Variants in CD99L2 observed in about 807,000 individuals in gnomAD.
CD99L2 encodes CD99 antigen-like protein 2.
In CD99L2, 24 loss-of-function variants were observed where a neutral mutation model predicts 27.3. The ratio of observed to expected loss-of-function variants is 0.88; its 90% CI spans 0.64 to 1.24. CD99L2 has a LOEUF of 1.24. Among genes scored for constraint, CD99L2 ranks in the 50% most tolerant of loss-of-function variants. The pLI, the probability that CD99L2 is intolerant of heterozygous loss-of-function variation, is 0.00. For missense variants in CD99L2, 255 were observed against 221.6 expected (o/e 1.15, Z -0.96); for synonymous variants, 97 against 87.9 (o/e 1.10, Z -0.58).
In CD99L2 at chrX:150,870,810, C is replaced by T. The variant is rs191206892; in HGVS notation, c.67+27712G>A. On this transcript the variant is annotated intron_variant, in intron 1 of 10. Transcript: ENST00000370377. The stretch of plus-strand genomic sequence containing the variant: ...AATCCCTAACTCTCTTGGGAGAGTC[C>T]GCCTTGCTCCAGGAGGGAAGAAAAG... Among the ~76,000 whole-genome samples the T allele has an allele frequency of 1.3e-3, 142 of 110,106 alleles. 1 individual carries two copies. Among genetic ancestry groups the T allele is most frequent in the East Asian group, 4.6e-3 (16 of 3,453 alleles).
intron 1 of CD99L2, among the ~76,000 whole-genome samples, chrX:150,850,606 A>G (rs1449772151): frequency 8.9e-6 from 1 of 112,518 alleles, no homozygotes; most frequent in Admixed American, 9.4e-5. Context: ...CCATAGAAAC[A>G]AATGTTGCAA....
At chrX:150,864,800 T>C (rs927715251) in intron 1 of CD99L2, among the ~76,000 whole-genome samples, 7 of 112,545 alleles carry the variant, frequency 6.2e-5, no homozygotes, top group African/African-American at 2.3e-4. Flanking sequence ...AAAGAACAGG[T>C]GCTTCACAAC....
intron 10 of CD99L2, among the ~76,000 whole-genome samples, chrX:150,769,760 ATCTGC>A (rs2043400947): frequency 1.9e-5 from 2 of 107,042 alleles, no homozygotes; most frequent in Non-Finnish European, 3.8e-5. Context: ...CACAGGTCAT[ATCTGC>A]CTCGAGCAGT....
intron 1 of CD99L2, among the ~76,000 whole-genome samples, chrX:150,854,110 G>A (rs1373260359): frequency 1.8e-5 from 2 of 110,619 alleles, no homozygotes; most frequent in East Asian, 2.9e-4. Flanking sequence ...CACATAACAG[G>A]AGCCCATGGG....
At chrX:150,830,112 G>A (rs1052404056) in intron 2 of CD99L2, among the ~76,000 whole-genome samples, 23 of 109,291 alleles carry the variant, frequency 2.1e-4, no homozygotes, top group Admixed American at 7.8e-4. Context: ...CTGAGATTGC[G>A]CCACTACACT....
chrX:150,825,864 C>T (rs1300363358), intron 2 of CD99L2, among the ~76,000 whole-genome samples: 6 of 112,164 alleles, frequency 5.3e-5, no homozygotes, highest in African/African-American at 1.9e-4. Context: ...TCTGTAATAT[C>T]GTGCTGTACC....
intron 1 of CD99L2, among the ~76,000 whole-genome samples, chrX:150,851,505 G>A (rs782106523): frequency 6.2e-5 from 7 of 112,064 alleles, no homozygotes; most frequent in Non-Finnish European, 1.3e-4. Flanking sequence ...TGCCCCTAAG[G>A]TGCTCTAAAA....
In CD99L2 at chrX:150,780,196, C is replaced by T. The variant is rs781932031; in HGVS notation, c.497-2714G>A. Among the ~76,000 whole-genome samples, 14 of 111,052 alleles carry T rather than the reference C, an allele frequency of 1.3e-4. No homozygotes were observed. The South Asian group carries it at 5.3e-3, about 42-fold the overall frequency. ...CTGTTGGTCATTGGGGAAATGCAAACCAAAACCATAATGAGACACCATCTC... is the reference window on the plus strand; with the variant it reads ...CTGTTGGTCATTGGGGAAATGCAAATCAAAACCATAATGAGACACCATCTC... On this transcript the variant is annotated intron_variant, in intron 7 of 10. Transcript: ENST00000370377.
At position 150,898,648 on chromosome X, in the gene CD99L2, G is replaced by T; in HGVS notation, c.-60C>A. On this transcript the variant is annotated 5_prime_UTR_variant, in exon 1 of 11. Transcript: ENST00000370377. Reference sequence around the variant, plus strand: ...AGTTAGCGCGAGAGCGCCCGAAGGGGAGGCCGAGGAGGAGCGGGAGGAGGA... The same window carrying T: ...AGTTAGCGCGAGAGCGCCCGAAGGGTAGGCCGAGGAGGAGCGGGAGGAGGA... The T allele has an allele frequency of 1.0e-6, 1 of 995,593 alleles. No individual in the cohort carries two copies. Among genetic ancestry groups the T allele is most frequent in the Non-Finnish European group, 1.3e-6 (1 of 764,186 alleles). 82.0% of individuals were successfully genotyped at this position (995,593 alleles called of 1,213,427 possible). A position where few individuals can be genotyped will look rare whatever the true frequency, so the allele number is the denominator to read the frequency against.
intron 1 of CD99L2, among the ~76,000 whole-genome samples, chrX:150,885,184 C>T (rs1410959775): frequency 8.1e-5 from 9 of 111,553 alleles, no homozygotes; most frequent in Non-Finnish European, 1.9e-5. Flanking sequence ...CTGGGAGGGG[C>T]ACACAGGGGT....
chrX:150,836,643 T>C (rs2046534286), intron 1 of CD99L2, among the ~76,000 whole-genome samples: 1 of 111,703 alleles, frequency 9.0e-6, no homozygotes, highest in Non-Finnish European at 1.9e-5. Flanking sequence ...AATATTAACA[T>C]AGTCATGTGT....
At chrX:150,832,924 G>A (rs782283466) in intron 1 of CD99L2, among the ~76,000 whole-genome samples, 6 of 110,234 alleles carry the variant, frequency 5.4e-5, no homozygotes, top group Non-Finnish European at 7.6e-5. Context: ...GCATGGTGGC[G>A]GGTGCCTGTA....
rs147479600 is a variant in CD99L2, at chrX:150,889,418, A to G, written c.67+9104T>C. On this transcript the variant is annotated intron_variant, in intron 1 of 10. Transcript: ENST00000370377. ...TTCCCCCACATTGCCCTTAGGCTGA[A>G]AGAAATACCCAATATAGTTCCACCA... 3.4e-3 allele frequency among the ~76,000 whole-genome samples: 383 copies of G among 111,768 alleles called. 5 individuals are homozygous for G. Among genetic ancestry groups the G allele is most frequent in the Non-Finnish European group, 4.8e-3 (256 of 53,101 alleles).
chrX:150,892,239 AAAAT>A (rs1185210467), intron 1 of CD99L2, among the ~76,000 whole-genome samples: 3 of 109,351 alleles, frequency 2.7e-5, no homozygotes, highest in Non-Finnish European at 5.7e-5. Flanking sequence ...AAAAATAATA[AAAAT>A]AAATAAATAA....
intron 6 of CD99L2, 35 bp from the exon 7 acceptor site, chrX:150,793,791 A>G: frequency 9.4e-7 from 1 of 1,066,240 alleles, no homozygotes; most frequent in South Asian, 2.1e-5. Flanking sequence ...CAACAACAAG[A>G]AAAAAAAATC....
chrX:150,835,108 A>C (rs1316939649), intron 1 of CD99L2, among the ~76,000 whole-genome samples: 1 of 112,100 alleles, frequency 8.9e-6, no homozygotes, highest in Non-Finnish European at 1.9e-5. Flanking sequence ...GGGGAAAGGG[A>C]AAGTGTTGAT....
At chrX:150,845,718 C>T (rs1381372682) in intron 1 of CD99L2, among the ~76,000 whole-genome samples, 12 of 111,918 alleles carry the variant, frequency 1.1e-4, no homozygotes, top group African/African-American at 3.9e-4. Flanking sequence ...ATGAAAGTGT[C>T]ATACCTGATT....
chrX:150,816,079 C>T lies in CD99L2; in HGVS notation c.131-1G>A. The T allele has an allele frequency of 8.3e-7, 1 of 1,210,354 alleles. No individual in the cohort carries two copies. Among genetic ancestry groups the T allele is most frequent in the Non-Finnish European group, 1.1e-6 (1 of 894,622 alleles). On this transcript the variant is annotated splice_acceptor_variant, in intron 2 of 10. Transcript: ENST00000370377. LOFTEE classifies it high-confidence loss of function. ...GTGGTGGTGGTGTGGTCCCATGGCTCTAAAAGGGAGAGGGAGGACAGCAAG... is the reference window on the plus strand; with the variant it reads ...GTGGTGGTGGTGTGGTCCCATGGCTTTAAAAGGGAGAGGGAGGACAGCAAG...
chrX:150,807,526 T>C (rs143079711), intron 4 of CD99L2, among the ~76,000 whole-genome samples: 11,888 of 111,870 alleles, frequency 0.11, 538 homozygotes, highest in Middle Eastern at 0.19. Context: ...GTCCCTCTCA[T>C]CCAAACAATG....
Sources: allele counts gnomAD v4.1 joint callset (sites outside exome capture counted in the v4.1 genomes callset), GRCh38; gene constraint gnomAD v4.1.1; transcripts MANE v1.5; gene names NCBI Gene and HGNC (gene_info 2026-07-23, HGNC 2026-07-21).